The following METAP1 variants were observed in gnomAD, a reference collection of about 807,000 sequenced individuals.
The protein encoded by METAP1 is methionine aminopeptidase 1.
Under a neutral mutation model 53.8 loss-of-function variants are expected in METAP1, and 28 were observed. The observed-to-expected ratio is 0.52, with a 90% CI of 0.39 to 0.71. The LOEUF (loss-of-function observed/expected upper bound fraction) is 0.71, where lower values mean the gene tolerates loss of function less well. Ranked by LOEUF, METAP1 falls within the 30% of genes least tolerant of loss-of-function variation. The pLI is 0.00. For synonymous variants in METAP1, 181 were observed against 165.7 expected (o/e 1.09, Z -0.71); for missense variants, 389 against 479.8 (o/e 0.81, Z 1.77).
At chr4:99,019,582 G>A (rs140082877) in intron 1 of METAP1, among the ~76,000 whole-genome samples, 2 of 152,094 alleles carry the variant, frequency 1.3e-5, no homozygotes, top group East Asian at 3.9e-4. Flanking sequence ...CTCGACCCCT[G>A]CCTCTCTGTG....
At chr4:99,048,612 T>C (rs998477959) in intron 8 of METAP1, 121 bp from the exon 9 acceptor site, 29 of 1,080,362 alleles carry the variant, frequency 2.7e-5, no homozygotes, top group Non-Finnish European at 3.7e-5. Flanking sequence ...TCAGGCGATC[T>C]TCCTGCCTTG....
Position 99,061,335 on chromosome 4 carries a change from C to T in METAP1, c.*18C>T, listed in dbSNP as rs1161263058. The T allele has an allele frequency of 6.2e-7, 1 of 1,603,000 alleles. No individual in the cohort carries two copies. The highest frequency in any genetic ancestry group is 8.5e-7 in the Non-Finnish European group (1 of 1,172,534). On this transcript the variant is annotated 3_prime_UTR_variant, in exon 11 of 11. Coordinates refer to ENST00000296411, the MANE Select transcript of METAP1 (RefSeq NM_015143.3). The stretch of plus-strand genomic sequence containing the variant: ...AATTTTAATTTCTCCCAAGATGGCA[C>T]ATCTCAGTACCTTCTTACTGTGCTA...
chr4:99,012,652 G>GTTTTTTTT (rs78437310), intron 1 of METAP1, among the ~76,000 whole-genome samples: 1 of 90,360 alleles, frequency 1.1e-5, no homozygotes, highest in Non-Finnish European at 2.2e-5. Flanking sequence ...ATCCCATAAA[G>GTTTTTTTT]TTTTTTTTTT....
intron 1 of METAP1, among the ~76,000 whole-genome samples, chr4:99,010,984 A>T (rs796790772): frequency 5.9e-5 from 9 of 152,072 alleles, no homozygotes; most frequent in African/African-American, 2.2e-4. Context: ...GTTAGTGTAT[A>T]GAAATGCAAC....
At chr4:99,060,765 C>T (rs529692863) in intron 10 of METAP1, among the ~76,000 whole-genome samples, 97 of 152,168 alleles carry the variant, frequency 6.4e-4, no homozygotes, top group Middle Eastern at 3.4e-3. Flanking sequence ...AAAAAATTTC[C>T]TGTTTTAAAA....
At chr4:99,022,854 A>G (rs1724234179) in intron 1 of METAP1, 3 of 1,554,698 alleles carry the variant, frequency 1.9e-6, no homozygotes, top group African/African-American at 2.7e-5. Flanking sequence ...TTTCCCTCCC[A>G]CGGCTGCTGC....
chr4:99,056,070 G>A (rs539932001), intron 9 of METAP1, among the ~76,000 whole-genome samples: 1 of 152,336 alleles, frequency 6.6e-6, no homozygotes, highest in Non-Finnish European at 1.5e-5. Context: ...GGAAAGTTAT[G>A]CAGGAATATA....
At chr4:99,023,045 C>T (rs1724255449) in intron 1 of METAP1, 4 of 1,394,988 alleles carry the variant, frequency 2.9e-6, no homozygotes, top group Non-Finnish European at 3.9e-6. Flanking sequence ...TTGGATTCCT[C>T]CTGCTCCTCC....
chr4:99,029,404 TG>T (rs1310249689), intron 2 of METAP1, among the ~76,000 whole-genome samples: 1 of 152,228 alleles, frequency 6.6e-6, no homozygotes, highest in Non-Finnish European at 1.5e-5. Flanking sequence ...TGAAGTTTTT[TG>T]TGTGACACTA....
At chr4:99,014,712 C>T (rs1723656287) in intron 1 of METAP1, among the ~76,000 whole-genome samples, 1 of 152,064 alleles carries the variant, frequency 6.6e-6, no homozygotes, top group African/African-American at 2.4e-5. Flanking sequence ...AAGGGATAGC[C>T]AATTGGACTA....
chr4:99,036,127 A>C (rs1393136511), intron 4 of METAP1: 1 of 154,314 alleles, frequency 6.5e-6, no homozygotes, highest in Non-Finnish European at 1.5e-5. Context: ...GCCTGTACAC[A>C]TAATTAATTT....
chr4:99,018,240 A>G (rs1314588280), intron 1 of METAP1, among the ~76,000 whole-genome samples: 1 of 152,222 alleles, frequency 6.6e-6, no homozygotes, highest in Non-Finnish European at 1.5e-5. Flanking sequence ...TAGATGACCT[A>G]AATGTCTAAC....
chr4:99,034,249 A>G lies in METAP1; in HGVS notation c.186A>G (p.Arg62=), dbSNP rs555014934. 1 of 1,550,056 alleles carries G rather than the reference A, an allele frequency of 6.5e-7. No individual in the cohort carries two copies. Among genetic ancestry groups the G allele is most frequent in the Admixed American group, 2.0e-5 (1 of 50,990 alleles). Residue 62 remains arginine (R), a synonymous_variant, in exon 3 of 11, where the codon CGA becomes CGG. Transcript: ENST00000296411. ...HKKAKDEKAK[R]EVSSWTVEGD... ...TCCCAGAAGATGAAAAGGCGAAGCG[A>G]GAAGTGTCTTCCTGGACTGTGGAAG... is the stretch of plus-strand genomic sequence containing the variant.
At chr4:99,012,516 C>G (rs921489868) in intron 1 of METAP1, among the ~76,000 whole-genome samples, 1 of 152,062 alleles carries the variant, frequency 6.6e-6, no homozygotes, top group African/African-American at 2.4e-5. Flanking sequence ...GTCAGGTGAT[C>G]TGCCCCGCTT....
At chr4:99,036,888 T>C (rs758855992) in intron 4 of METAP1, among the ~76,000 whole-genome samples, 5 of 152,182 alleles carry the variant, frequency 3.3e-5, no homozygotes, top group Non-Finnish European at 7.4e-5. Flanking sequence ...TATACATTTT[T>C]GATTTTGAGA....
At chr4:99,026,047 A>T (rs1056575025) in intron 1 of METAP1, 2 of 159,752 alleles carry the variant, frequency 1.3e-5, no homozygotes, top group African/African-American at 4.8e-5. Context: ...TTGATGTATT[A>T]TGTCTCCCTA....
At chr4:99,034,919 T>C (rs1184350893) in intron 3 of METAP1, among the ~76,000 whole-genome samples, 1 of 152,228 alleles carries the variant, frequency 6.6e-6, no homozygotes, top group South Asian at 2.1e-4. Context: ...TTCATTCAAG[T>C]TGAAATCTGT....
intron 6 of METAP1, among the ~76,000 whole-genome samples, chr4:99,041,448 A>C (rs1391375606): frequency 6.6e-6 from 1 of 152,130 alleles, no homozygotes; most frequent in African/African-American, 2.4e-5. Flanking sequence ...TACAGACATC[A>C]AATATTCTGA....
rs1727531390 is a variant in METAP1, at chr4:99,061,272, C to T, written c.1116C>T (p.Thr372=). ...CAGACACTGGCTGTGAAATCCTAAC[C>T]CGGCGACTTGACAGTGCACGGCCTC... ...LVTDTGCEIL[T]RRLDSARPHF... The change falls in exon 11 of 11, where the codon ACC becomes ACT. Residue 372 remains threonine, a synonymous_variant. Coordinates refer to ENST00000296411, the MANE Select transcript of METAP1 (RefSeq NM_015143.3). The T allele has an allele frequency of 1.2e-6, 2 of 1,613,898 alleles. No homozygotes were observed. Among genetic ancestry groups the T allele is most frequent in the Non-Finnish European group, 1.7e-6 (2 of 1,179,860 alleles).
Sources: allele counts gnomAD v4.1 joint callset (sites outside exome capture counted in the v4.1 genomes callset), GRCh38; gene constraint gnomAD v4.1.1; transcripts MANE v1.5; gene names NCBI Gene and HGNC (gene_info 2026-07-23, HGNC 2026-07-21).